The following INA variants were observed in gnomAD, a reference collection of about 807,000 sequenced individuals.
INA encodes the protein internexin neuronal intermediate filament protein alpha, also known as alpha-internexin.
A neutral mutation model predicts 40.1 loss-of-function variants in INA; 35 were observed. The ratio of observed to expected loss-of-function variants is 0.87; its 90% CI spans 0.67 to 1.16. The LOEUF is 1.16. Ranked by LOEUF, INA falls within the 50% of genes most tolerant of loss-of-function variation. INA has a pLI of 0.00. For synonymous variants in INA, 290 were observed against 316.9 expected (o/e 0.92, Z 0.90); for missense variants, 594 against 686.7 (o/e 0.87, Z 1.51).
At chr10:103,288,151 TGGTGCTGAAGGGG>T (rs1265792451) in intron 2 of INA, among the ~76,000 whole-genome samples, 196 bp from the exon 3 acceptor site, 1 of 152,156 alleles carries the variant, frequency 6.6e-6, no homozygotes, top group African/African-American at 2.4e-5. Context: ...TAAACATAGC[TGGTGCTGAAGGGG>T]GGTGTGTGTG....
At chr10:103,281,185 G>T (rs2093071701) in intron 1 of INA, among the ~76,000 whole-genome samples, 1 of 152,160 alleles carries the variant, frequency 6.6e-6, no homozygotes, top group Non-Finnish European at 1.5e-5. Flanking sequence ...AGCTACATTT[G>T]ATCTTTTTTA....
At chr10:103,280,946 T>C in intron 1 of INA, 1 of 985,054 alleles carries the variant, frequency 1.0e-6, no homozygotes, top group South Asian at 4.7e-5. Flanking sequence ...AGACCTCTAC[T>C]GTGGTCAGTC....
rs2093097162 is a variant in INA at position 103,290,244 on chromosome 10, A to C, written c.*1575A>C. 1 of 152,508 alleles carries C rather than the reference A, an allele frequency of 6.6e-6. No individual in the cohort carries two copies. The highest frequency in any genetic ancestry group is 6.5e-5 in the Admixed American group (1 of 15,282). The allele number at this position is 152,508 out of a possible 1,614,324, so 9.4% of individuals were successfully genotyped here. A position where few individuals can be genotyped will look rare whatever the true frequency, so the allele number is the denominator to read the frequency against. On this transcript the variant is annotated 3_prime_UTR_variant, in exon 3 of 3. Transcript: ENST00000369849. The stretch of plus-strand genomic sequence containing the variant: ...TGCTTCAATAGTTCAAGGAACTTGA[A>C]AAATACTTTTCCTTACCTTTACCCC...
chr10:103,288,175 T>C (rs1331265381), intron 2 of INA, among the ~76,000 whole-genome samples, 185 bp from the exon 3 acceptor site: 7 of 152,186 alleles, frequency 4.6e-5, no homozygotes, highest in African/African-American at 1.7e-4. Flanking sequence ...GGTGTGTGTG[T>C]GCGCATGCGT....
chr10:103,277,483 G>A lies in INA; in HGVS notation c.272G>A (p.Arg91His). Residue 91 changes from arginine to histidine, a missense_variant, in exon 1 of 3, where the codon CGC becomes CAC. Around this residue, in one of 2 missense-constraint regions of INA, gnomAD observed 215 missense variants for 190.6 expected, o/e 1.13. Coordinates refer to ENST00000369849, the MANE Select transcript of INA (RefSeq NM_032727.4). This position sits in a 1 kb window ranked among gnomAD's most constrained non-coding sequence, Gnocchi z 5.6. ...CGCACCAACGAGTACAAGATCATCCGCACCAACGAGAAGGAGCAGCTGCAG... is the reference window on the plus strand; with the variant it reads ...CGCACCAACGAGTACAAGATCATCCACACCAACGAGAAGGAGCAGCTGCAG... Reference protein sequence around the residue: ...AARTNEYKIIRTNEKEQLQGL... With the variant: ...AARTNEYKIIHTNEKEQLQGL... 2 of 1,588,748 alleles carry A rather than the reference G, an allele frequency of 1.3e-6. No homozygotes were observed. Among genetic ancestry groups the A allele is most frequent in the African/African-American group, 1.4e-5 (1 of 72,274 alleles).
At chr10:103,279,750 T>C (rs975654054) in intron 1 of INA, among the ~76,000 whole-genome samples, 1 of 152,218 alleles carries the variant, frequency 6.6e-6, no homozygotes, top group Non-Finnish European at 1.5e-5. Context: ...TTTGTTACAA[T>C]AACTTCCTTT....
Position 103,288,785 on chromosome 10 carries a change from C to A in INA, c.*116C>A. On this transcript the variant is annotated 3_prime_UTR_variant, in exon 3 of 3. Transcript: ENST00000369849. ...CCACTATAAAATGTCTTCAAGGCTT[C>A]AGTCTCATATTTAGTATTGAATACT... 3 of 683,754 alleles carry A rather than the reference C, an allele frequency of 4.4e-6. No homozygotes were observed. Among genetic ancestry groups the A allele is most frequent in the Non-Finnish European group, 7.4e-6 (3 of 407,666 alleles). The allele number at this position is 683,754 out of a possible 1,614,324, so 42.4% of individuals were successfully genotyped here.
intron 1 of INA, chr10:103,280,342 A>G (rs2093069958): frequency 1.0e-6 from 1 of 985,436 alleles, no homozygotes; most frequent in Non-Finnish European, 1.2e-6. Context: ...GTGGAGCTCA[A>G]GTCTTACCTG....
intron 1 of INA, among the ~76,000 whole-genome samples, chr10:103,282,431 A>G (rs1287246765): frequency 1.3e-5 from 2 of 152,224 alleles, no homozygotes; most frequent in Admixed American, 6.5e-5. Context: ...TCAAGACTGC[A>G]GCAAGATGGA....
intron 1 of INA, chr10:103,280,395 T>A: frequency 1.9e-5 from 19 of 985,442 alleles, no homozygotes; most frequent in Non-Finnish European, 2.3e-5. Context: ...CTCTGACTGT[T>A]CTAACAATCT....
chr10:103,287,397 A>G (rs2093088785), intron 2 of INA, among the ~76,000 whole-genome samples: 2 of 152,212 alleles, frequency 1.3e-5, no homozygotes, highest in Admixed American at 1.3e-4. Context: ...TAATGTGAGT[A>G]CACAGAGGTT....
chr10:103,288,894 C>T lies in INA; in HGVS notation c.*225C>T, dbSNP rs549531966. ...ATCACAGATGAGTTATCTAAGAATA[C>T]AGCTTTCTGACCTTCAGCTCACGCT... On this transcript the variant is annotated 3_prime_UTR_variant, in exon 3 of 3. Transcript: ENST00000369849. The T allele has an allele frequency of 2.8e-6, 1 of 363,398 alleles. No individual in the cohort carries two copies. The highest frequency in any genetic ancestry group is 4.8e-5 in the South Asian group (1 of 20,726). The allele number at this position is 363,398 out of a possible 1,614,324, so 22.5% of individuals were successfully genotyped here.
intron 1 of INA, among the ~76,000 whole-genome samples, chr10:103,284,339 A>T (rs1473973874): frequency 1.3e-5 from 2 of 152,176 alleles, no homozygotes; most frequent in East Asian, 3.8e-4. Context: ...CTAGCCAGGG[A>T]TGTTACTAAA....
At chr10:103,288,184 G>A (rs904736343) in intron 2 of INA, among the ~76,000 whole-genome samples, 176 bp from the exon 3 acceptor site, 3 of 152,102 alleles carry the variant, frequency 2.0e-5, no homozygotes, top group South Asian at 2.1e-4. Flanking sequence ...GTGCGCATGC[G>A]TATGCACGTG....
rs2093092884 is a variant in INA at position 103,288,798 on chromosome 10, A to G, written c.*129A>G. On this transcript the variant is annotated 3_prime_UTR_variant, in exon 3 of 3. Coordinates refer to ENST00000369849, the MANE Select transcript of INA (RefSeq NM_032727.4). ...TCTTCAAGGCTTCAGTCTCATATTT[A>G]GTATTGAATACTTACATTCTCTAAT... 1.6e-6 allele frequency: 1 copy of G among 629,562 alleles called. No individual in the cohort carries two copies. Among genetic ancestry groups the G allele is most frequent in the Non-Finnish European group, 2.7e-6 (1 of 366,810 alleles). 39.0% of individuals were successfully genotyped at this position (629,562 alleles called of 1,614,324 possible).
At chr10:103,288,165 G>T (rs1051792292) in intron 2 of INA, among the ~76,000 whole-genome samples, 195 bp from the exon 3 acceptor site, 15 of 152,068 alleles carry the variant, frequency 9.9e-5, no homozygotes, top group Admixed American at 2.0e-4. Flanking sequence ...GCTGAAGGGG[G>T]GTGTGTGTGT....
In INA at chr10:103,277,538, C is replaced by T. The variant is rs374418030; in HGVS notation, c.327C>T (p.Ile109=). Residue 109 remains isoleucine, a synonymous_variant, in exon 1 of 3, where the codon ATC becomes ATT. Transcript: ENST00000369849. This position sits in a 1 kb window ranked among gnomAD's most constrained non-coding sequence, Gnocchi z 5.6. ...TCAACGACCGCTTCGCCGTGTTCAT[C>T]GAGAAGGTGCATCAGCTGGAGACGC... The part of the protein sequence containing the change: ...QGLNDRFAVF[I]EKVHQLETQN... 1.5e-4 allele frequency: 231 copies of T among 1,585,964 alleles called. No individual in the cohort carries two copies. The highest frequency in any genetic ancestry group is 1.9e-4 in the Non-Finnish European group (217 of 1,170,314).
At position 103,288,412 on chromosome 10, in the gene INA, T is replaced by G. The variant is rs754575031; in HGVS notation, c.1243T>G (p.Ser415Ala). The G allele has an allele frequency of 1.2e-6, 2 of 1,612,968 alleles. No homozygotes were observed. Among genetic ancestry groups the G allele is most frequent in the East Asian group, 4.5e-5 (2 of 44,848 alleles). The change falls in exon 3 of 3, where the codon TCG (serine) becomes GCG (alanine). Residue 415 changes from serine to alanine, a missense_variant. This residue lies in a region of INA where 379 missense variants were observed against 496.1 expected (regional missense o/e 0.76). Transcript: ENST00000369849. ...TTTTAGCACCAGTGGGTTAAGCATT[T>G]CGGGGCTGAATCCACTTCCCAATCC... is the stretch of plus-strand genomic sequence containing the variant. ...TRFSTSGLSISGLNPLPNPSY... is the reference protein window; with the variant it reads ...TRFSTSGLSIAGLNPLPNPSY...
At chr10:103,281,587 G>A (rs1263167705) in intron 1 of INA, among the ~76,000 whole-genome samples, 2 of 152,186 alleles carry the variant, frequency 1.3e-5, no homozygotes, top group Admixed American at 6.5e-5. Context: ...AAAGGTAGGA[G>A]TGAGAATAAA....
Sources: gnomAD v4.1 joint callset for allele counts (sites outside exome capture counted in the v4.1 genomes callset) on GRCh38, gnomAD v4.1.1 for gene constraint, gnomAD v4.1.1 regional missense constraint, Gnocchi (gnomAD v3.1) non-coding constraint, MANE v1.5 for transcripts, NCBI Gene and HGNC (gene_info 2026-07-23, HGNC 2026-07-21) for gene names.